The following CKLF variants were observed in gnomAD, a reference collection of about 807,000 sequenced individuals.
CKLF encodes chemokine like factor.
Under a neutral mutation model 12.9 loss-of-function variants are expected in CKLF, and 16 were observed. The ratio of observed to expected loss-of-function variants is 1.24; its 90% confidence interval spans 0.84 to 1.88. The LOEUF (loss-of-function observed/expected upper bound fraction) is 1.88. Among genes scored for constraint, CKLF ranks in the 40% most tolerant of loss-of-function variants. The probability of loss-of-function intolerance (pLI) is 0.00; values close to 1 mark genes in which losing one functional copy is unlikely to be tolerated. For missense variants in CKLF, 172 were observed against 188.5 expected (o/e 0.91, Z 0.51); for synonymous variants, 61 against 69.0 (o/e 0.88, Z 0.57).
At chr16:66,557,943 T>C (rs1026047566) in intron 1 of CKLF, among the ~76,000 whole-genome samples, 2 of 152,104 alleles carry the variant, frequency 1.3e-5, no homozygotes, top group African/African-American at 4.8e-5. Context: ...GTTTTATATG[T>C]GTGTGTATAT....
chr16:66,558,120 A>C, intron 1 of CKLF, 70 bp from the exon 2 acceptor site: 1 of 1,582,134 alleles, frequency 6.3e-7, no homozygotes, highest in Non-Finnish European at 8.5e-7. Flanking sequence ...TTATTTTAGA[A>C]ATTGTCATTT....
chr16:66,557,587 T>C (rs2011496857), intron 1 of CKLF, among the ~76,000 whole-genome samples: 1 of 152,204 alleles, frequency 6.6e-6, no homozygotes, highest in Admixed American at 6.5e-5. Context: ...GGTAAGAAAT[T>C]ATAGACAGCC....
intron 1 of CKLF, among the ~76,000 whole-genome samples, chr16:66,555,265 A>T (rs985630359): frequency 3.3e-5 from 5 of 152,136 alleles, no homozygotes; most frequent in African/African-American, 1.2e-4. Context: ...ACTAGCTGCT[A>T]TGTTAACAGT....
At chr16:66,561,141 T>C (rs1428925080) in intron 2 of CKLF, among the ~76,000 whole-genome samples, 2 of 152,072 alleles carry the variant, frequency 1.3e-5, no homozygotes, top group African/African-American at 4.8e-5. Flanking sequence ...AACTTAGAAG[T>C]ACCTCCATCT....
intron 3 of CKLF, among the ~76,000 whole-genome samples, chr16:66,563,952 T>C (rs1284747438): frequency 6.6e-6 from 1 of 152,240 alleles, no homozygotes; most frequent in East Asian, 1.9e-4. Context: ...TCTTTCATAG[T>C]ATGGGTCACT....
intron 2 of CKLF, among the ~76,000 whole-genome samples, chr16:66,561,510 C>A (rs2011716822): frequency 1.3e-5 from 2 of 152,094 alleles, no homozygotes; most frequent in South Asian, 4.1e-4. Context: ...TCTCTGCACT[C>A]CCTAGAACAC....
intron 1 of CKLF, among the ~76,000 whole-genome samples, chr16:66,556,791 A>T (rs527646750): frequency 4.7e-4 from 72 of 152,364 alleles, no homozygotes; most frequent in Non-Finnish European, 9.0e-4. Context: ...CTAATAAAGT[A>T]ATTGGAAGAA....
At position 66,553,178 on chromosome 16, in the gene CKLF, A is replaced by AAAACAAAAAC. The variant is rs1449505874; in HGVS notation, c.78+389_78+390insAAAAACAAAC. Among the ~76,000 whole-genome samples the AAAACAAAAAC allele has an allele frequency of 1.6e-4, 24 of 152,274 alleles. 1 individual carries two copies. Among genetic ancestry groups the AAAACAAAAAC allele is most frequent in the African/African-American group, 5.5e-4 (23 of 41,554 alleles). On this transcript the variant is annotated intron_variant, in intron 1 of 3. Coordinates refer to ENST00000264001, the MANE Select transcript of CKLF (RefSeq NM_016951.4). ...GCCTCTTTAAAAACAAAAACAAAAA[A>AAAACAAAAAC]AAACCCTTTTTTTAAATTAAAAATC...
chr16:66,552,619 CCGCCGCGGTGGCGGTTGCTAT>C lies in CKLF; in HGVS notation c.-93_-73del, dbSNP rs1965847726. The C allele has an allele frequency of 8.8e-6, 14 of 1,588,536 alleles. No homozygotes were observed. Among genetic ancestry groups the C allele is most frequent in the Admixed American group, 3.4e-5 (2 of 59,444 alleles). On this transcript the variant is annotated 5_prime_UTR_variant, in exon 1 of 4. Transcript: ENST00000264001. ...GCGAGAAGTAGGGGAGGGCGGTGCT[CCGCCGCGGTGGCGGTTGCTAT>C]CGCTTCGCAGAACCTACTCAGGCAG...
intron 1 of CKLF, among the ~76,000 whole-genome samples, chr16:66,555,851 A>G (rs1438222142): frequency 6.6e-6 from 1 of 152,216 alleles, no homozygotes; most frequent in Non-Finnish European, 1.5e-5. Flanking sequence ...TTTAGGCATT[A>G]AGTTAGCAGG....
At chr16:66,561,844 C>G (rs986461282) in intron 2 of CKLF, among the ~76,000 whole-genome samples, 2 of 152,148 alleles carry the variant, frequency 1.3e-5, no homozygotes, top group African/African-American at 4.8e-5. Flanking sequence ...CATACATAAA[C>G]CTTTCTCAGC....
At chr16:66,558,993 C>A (rs2011560982) in intron 2 of CKLF, among the ~76,000 whole-genome samples, 1 of 152,162 alleles carries the variant, frequency 6.6e-6, no homozygotes, top group Admixed American at 6.5e-5. Context: ...TGTATGCAGC[C>A]CCTCAGCCTG....
intron 1 of CKLF, among the ~76,000 whole-genome samples, chr16:66,556,866 T>G (rs2011470164): frequency 6.6e-6 from 1 of 152,174 alleles, no homozygotes; most frequent in South Asian, 2.1e-4. Context: ...GACAGGATAT[T>G]TTAAAAGTCT....
In CKLF at chr16:66,552,584, G is replaced by A; in HGVS notation, c.-132G>A. On this transcript the variant is annotated 5_prime_UTR_variant, in exon 1 of 4. Transcript: ENST00000264001. ...GCGCATGCGCGCAAGAGAGCGGGAAGCCGAGCTGGGCGAGAAGTAGGGGAG... is the reference window on the plus strand; with the variant it reads ...GCGCATGCGCGCAAGAGAGCGGGAAACCGAGCTGGGCGAGAAGTAGGGGAG... 1 of 1,432,690 alleles carries A rather than the reference G, an allele frequency of 7.0e-7. No homozygotes were observed. The highest frequency in any genetic ancestry group is 9.6e-7 in the Non-Finnish European group (1 of 1,038,602). 88.7% of individuals were successfully genotyped at this position (1,432,690 alleles called of 1,614,324 possible).
intron 3 of CKLF, among the ~76,000 whole-genome samples, chr16:66,565,186 A>C (rs950080906): frequency 6.6e-6 from 1 of 152,186 alleles, no homozygotes; most frequent in African/African-American, 2.4e-5. Context: ...GTCTGGAGCC[A>C]GGAAGCCAAA....
intron 1 of CKLF, among the ~76,000 whole-genome samples, chr16:66,553,727 G>A (rs186552824): frequency 2.4e-4 from 37 of 152,294 alleles, no homozygotes; most frequent in African/African-American, 8.7e-4. Flanking sequence ...TATATTGGGA[G>A]AGCTCCCAAA....
rs2012238776 is a variant in CKLF, at chr16:66,565,907, G to A, written c.355G>A (p.Val119Ile). The part of the protein sequence containing the change: ...GGGVFALVTA[V>I]CCLADGALIY... ...CCAGGTGTTTGCACTTGTGACAGCA[G>A]TATGCTGTCTTGCCGACGGGGCCCT... Residue 119 changes from valine (V) to isoleucine (I), a missense_variant, in exon 4 of 4, where the codon GTA becomes ATA. Coordinates refer to ENST00000264001, the MANE Select transcript of CKLF (RefSeq NM_016951.4). 6.2e-7 allele frequency: 1 copy of A among 1,613,870 alleles called. No homozygotes were observed. The highest frequency in any genetic ancestry group is 1.1e-5 in the South Asian group (1 of 91,082).
chr16:66,555,314 G>T (rs868661283), intron 1 of CKLF, among the ~76,000 whole-genome samples: 20 of 152,204 alleles, frequency 1.3e-4, no homozygotes, highest in Admixed American at 8.5e-4. Context: ...TGCTGCAGGG[G>T]CAAAGGTAAA....
chr16:66,557,579 TAAG>T (rs2011496487), intron 1 of CKLF, among the ~76,000 whole-genome samples: 1 of 152,204 alleles, frequency 6.6e-6, no homozygotes, highest in African/African-American at 2.4e-5. Flanking sequence ...AAATGGATGG[TAAG>T]AAATTATAGA....
Sources: allele counts gnomAD v4.1 joint callset (sites outside exome capture counted in the v4.1 genomes callset), GRCh38; gene constraint gnomAD v4.1.1; transcripts MANE v1.5; gene names NCBI Gene and HGNC (gene_info 2026-07-23, HGNC 2026-07-21).